Variants in GLE1 observed in about 807,000 individuals in gnomAD.
GLE1 encodes the protein mRNA export factor GLE1.
A neutral mutation model predicts 97.3 loss-of-function variants in GLE1; 78 were observed. The ratio of observed to expected loss-of-function variants is 0.80; its 90% confidence interval spans 0.67 to 0.97. The LOEUF (loss-of-function observed/expected upper bound fraction) is 0.97, where lower values mean the gene tolerates loss of function less well. Ranked by LOEUF, GLE1 falls within the 50% of genes least tolerant of loss-of-function variation. GLE1 has a pLI of 0.00. For synonymous variants in GLE1, 302 were observed against 313.4 expected (o/e 0.96, Z 0.39); for missense variants, 753 against 857.5 (o/e 0.88, Z 1.52).
chr9:128,513,774 TG>T (rs1257903668), intron 2 of GLE1, among the ~76,000 whole-genome samples: 2 of 151,036 alleles, frequency 1.3e-5, no homozygotes, highest in Non-Finnish European at 2.9e-5. Context: ...CCCAGCACTT[TG>T]GAAGGCCAAG....
intron 7 of GLE1, among the ~76,000 whole-genome samples, 161 bp downstream of exon 7, chr9:128,525,584 T>C (rs1173443415): frequency 6.6e-6 from 1 of 152,220 alleles, no homozygotes; most frequent in Non-Finnish European, 1.5e-5. Context: ...TGATTTACGA[T>C]TCCAACACTT....
Position 128,525,746 on chromosome 9 carries a change from G to A in GLE1, c.1129+323G>A, listed in dbSNP as rs114061141. ...TCGAGACCAGCCTGGCCAACATGCC[G>A]AAACTCCCATCTCTACCAAAAATAA... On this transcript the variant is annotated intron_variant, in intron 7 of 15. Transcript: ENST00000309971. Among the ~76,000 whole-genome samples, 3,906 of 152,030 alleles carry A rather than the reference G, an allele frequency of 0.026. 166 individuals are homozygous for A. Among genetic ancestry groups the A allele is most frequent in the African/African-American group, 0.09 (3,725 of 41,450 alleles).
intron 3 of GLE1, among the ~76,000 whole-genome samples, chr9:128,517,445 G>C (rs1291293216): frequency 6.6e-6 from 1 of 152,212 alleles, no homozygotes; most frequent in African/African-American, 2.4e-5. Context: ...TATTGTGGTG[G>C]GAAGAGACAG....
rs1269936654 is a variant in GLE1 at position 128,540,007 on chromosome 9, C to T, written c.1965-268C>T. The T allele has an allele frequency of 4.3e-6, 3 of 690,036 alleles. No homozygotes were observed. In the African/African-American group the frequency reaches 5.4e-5, roughly 12 times the overall value. The allele number at this position is 690,036 out of a possible 1,614,324, so 42.7% of individuals were successfully genotyped here. A position where few individuals can be genotyped will look rare whatever the true frequency, so the allele number is the denominator to read the frequency against. ...GGCCACAGGAGGAGGATCACTTGAG[C>T]CCAGGTGTTCAAAACCAGCCTGGGC... On this transcript the variant is annotated intron_variant, in intron 14 of 15. Transcript: ENST00000309971.
intron 2 of GLE1, among the ~76,000 whole-genome samples, chr9:128,515,217 A>G (rs1846946442): frequency 1.3e-5 from 2 of 152,206 alleles, no homozygotes; most frequent in South Asian, 2.1e-4. Context: ...GCATCCCAGG[A>G]TAAATGGACA....
At chr9:128,523,167 T>C in intron 4 of GLE1, 113 bp from the exon 5 acceptor site, 1 of 868,728 alleles carries the variant, frequency 1.2e-6, no homozygotes. Flanking sequence ...ACCCCATCTC[T>C]AAGAAAAAGG....
chr9:128,525,060 A>C, intron 6 of GLE1, 132 bp from the exon 7 acceptor site: 1 of 726,436 alleles, frequency 1.4e-6, no homozygotes, highest in Non-Finnish European at 2.5e-6. Flanking sequence ...GAACAGGGAA[A>C]GAAGTATCAA....
At chr9:128,523,043 G>T (rs1247124779) in intron 4 of GLE1, among the ~76,000 whole-genome samples, 6 of 152,080 alleles carry the variant, frequency 3.9e-5, no homozygotes. Flanking sequence ...TACGGGCGTG[G>T]TGGAACACAG....
chr9:128,510,935 T>A (rs1204346305), intron 2 of GLE1, among the ~76,000 whole-genome samples: 1 of 151,398 alleles, frequency 6.6e-6, no homozygotes, highest in Non-Finnish European at 1.5e-5. Flanking sequence ...TGGCCACGTG[T>A]GGTGGCTCAC....
At chr9:128,520,282 GTATA>G (rs1055486872) in intron 3 of GLE1, among the ~76,000 whole-genome samples, 1 of 149,584 alleles carries the variant, frequency 6.7e-6, no homozygotes, top group African/African-American at 2.5e-5. Context: ...ATATATGTGT[GTATA>G]TATATGTGTA....
At chr9:128,512,078 G>A (rs1471149076) in intron 2 of GLE1, among the ~76,000 whole-genome samples, 2 of 152,046 alleles carry the variant, frequency 1.3e-5, no homozygotes, top group African/African-American at 4.8e-5. Context: ...CCAAAGTTCT[G>A]GGATTACAGG....
intron 12 of GLE1, 60 bp downstream of exon 12, chr9:128,536,544 C>T: frequency 6.9e-7 from 1 of 1,452,062 alleles, no homozygotes; most frequent in East Asian, 2.3e-5. Flanking sequence ...ATGTGTATTC[C>T]TCCCACAGGA....
intron 9 of GLE1, among the ~76,000 whole-genome samples, chr9:128,529,274 G>T (rs1004332262): frequency 6.6e-6 from 1 of 152,136 alleles, no homozygotes; most frequent in Non-Finnish European, 1.5e-5. Flanking sequence ...TCAGGAAAAT[G>T]GAGACATCCA....
Position 128,505,563 on chromosome 9 carries a change from C to T in GLE1, c.99+659C>T, listed in dbSNP as rs568122141. ...ACAGACCTTACATTCTGTAGGTTGA[C>T]TGCCAGCATATGTGCTTTCAAACCA... On this transcript the variant is annotated intron_variant, in intron 1 of 15. Transcript: ENST00000309971. Among the ~76,000 whole-genome samples the T allele has an allele frequency of 5.3e-5, 8 of 152,308 alleles. No individual in the cohort carries two copies. In the South Asian group the frequency reaches 1.7e-3, roughly 32 times the overall value.
At position 128,542,092 on chromosome 9, in the gene GLE1, G is replaced by A. The variant is rs1847895299; in HGVS notation, c.*922G>A. On this transcript the variant is annotated 3_prime_UTR_variant, in exon 16 of 16. Coordinates refer to ENST00000309971, the MANE Select transcript of GLE1 (RefSeq NM_001003722.2). ...GAGATTGGCTGTTAAAATTTGTTTT[G>A]TGGAAAGACTAATTCTCTTTGATAC... 1 of 152,178 alleles carries A rather than the reference G, an allele frequency of 6.6e-6. No individual in the cohort carries two copies. The highest frequency in any genetic ancestry group is 1.5e-5 in the Non-Finnish European group (1 of 68,042). The allele number at this position is 152,178 out of a possible 1,614,324, so 9.4% of individuals were successfully genotyped here. A position where few individuals can be genotyped will look rare whatever the true frequency, so the allele number is the denominator to read the frequency against.
intron 12 of GLE1, among the ~76,000 whole-genome samples, chr9:128,537,469 A>AAG (rs1479858034): frequency 6.6e-6 from 1 of 150,510 alleles, no homozygotes; most frequent in Admixed American, 6.7e-5. Flanking sequence ...AAAAAAAAAA[A>AAG]AAAAAAAAAG....
intron 11 of GLE1, among the ~76,000 whole-genome samples, chr9:128,534,876 G>A (rs903681601): frequency 3.3e-5 from 5 of 151,492 alleles, no homozygotes; most frequent in East Asian, 1.9e-4. Context: ...CCACCACCAC[G>A]CCCAGCTAAT....
At chr9:128,516,312 T>C (rs1846985841) in intron 3 of GLE1, among the ~76,000 whole-genome samples, 1 of 151,574 alleles carries the variant, frequency 6.6e-6, no homozygotes, top group South Asian at 2.1e-4. Context: ...TTTATTTGAT[T>C]GTATTTTGTT....
chr9:128,512,029 C>G (rs753169169), intron 2 of GLE1, among the ~76,000 whole-genome samples: 2 of 152,072 alleles, frequency 1.3e-5, no homozygotes, highest in Admixed American at 6.6e-5. Flanking sequence ...AGGCTGGTCT[C>G]GAACTCCTGT....
Sources: allele counts gnomAD v4.1 joint callset (sites outside exome capture counted in the v4.1 genomes callset), GRCh38; gene constraint gnomAD v4.1.1; transcripts MANE v1.5; gene names NCBI Gene and HGNC (gene_info 2026-07-23, HGNC 2026-07-21).